Variants in PDE6C observed in about 807,000 individuals in gnomAD.
The protein encoded by PDE6C is cone cGMP-specific 3',5'-cyclic phosphodiesterase subunit alpha'.
Under a neutral mutation model 113.1 loss-of-function variants are expected in PDE6C, and 75 were observed. The observed-to-expected ratio is 0.66, with a 90% CI of 0.55 to 0.80. PDE6C has a LOEUF of 0.80. Among genes scored for constraint, PDE6C ranks in the 30% least tolerant of loss-of-function variants. The pLI is 0.00. For synonymous variants in PDE6C, 375 were observed against 363.7 expected, an observed-to-expected ratio of 1.03 and a Z score of -0.35; for missense variants, 912 against 1,038.6, an observed-to-expected ratio of 0.88 and a Z score of 1.67.
At position 93,634,904 on chromosome 10, in the gene PDE6C, C is replaced by A. The variant is rs530593118; in HGVS notation, c.1266C>A (p.Thr422=). ...TCGATGAGCATGATGAATACATTAC[C>A]GAGGCAAGTGCAATAATAAGATAAT... ...KPFDEHDEYI[T]ETLTQFLGWS... is the part of the protein sequence containing the mutation. The change falls in exon 9 of 22, where the codon ACC becomes ACA. Residue 422 remains threonine (T), a synonymous_variant. Transcript: ENST00000371447. The A allele has an allele frequency of 6.2e-7, 1 of 1,613,652 alleles. No homozygotes were observed. The highest frequency in any genetic ancestry group is 8.5e-7 in the Non-Finnish European group (1 of 1,179,890).
intron 1 of PDE6C, among the ~76,000 whole-genome samples, chr10:93,618,488 T>C (rs2058430666): frequency 6.6e-6 from 1 of 152,194 alleles, no homozygotes; most frequent in African/African-American, 2.4e-5. Flanking sequence ...CTTCCTTGCC[T>C]TTATGCAATG....
intron 9 of PDE6C, 56 bp from the exon 10 acceptor site, chr10:93,635,441 C>T (rs1175721302): frequency 6.7e-7 from 1 of 1,498,180 alleles, no homozygotes; most frequent in East Asian, 2.3e-5. Flanking sequence ...ATTGTTGCCT[C>T]CAAACCAATT....
At chr10:93,624,224 A>G (rs1476028047) in intron 4 of PDE6C, among the ~76,000 whole-genome samples, 1 of 151,970 alleles carries the variant, frequency 6.6e-6, no homozygotes, top group Admixed American at 6.6e-5. Context: ...TAACGATACC[A>G]TATTATTTAT....
chr10:93,655,785 A>G lies in PDE6C; in HGVS notation c.1961A>G (p.Asn654Ser). 6.2e-7 allele frequency: 1 copy of G among 1,605,330 alleles called. No homozygotes were observed. Among genetic ancestry groups the G allele is most frequent in the East Asian group, 2.2e-5 (1 of 44,818 alleles). Residue 654 changes from asparagine to serine, a missense_variant, in exon 16 of 22, where the codon AAT becomes AGT. Asn to Ser is a conservative substitution (Grantham distance 46, BLOSUM62 1). Transcript: ENST00000371447. ...DESLNIFQNL[N>S]KRQFETVIHL... is the part of the protein sequence containing the mutation. Reference sequence around the variant, plus strand: ...AGTTTAAACATCTTCCAGAACCTAAATAAGCGGCAGTTTGAAACAGTTATT... The same window carrying G: ...AGTTTAAACATCTTCCAGAACCTAAGTAAGCGGCAGTTTGAAACAGTTATT...
At chr10:93,633,258 G>T (rs187315695) in intron 8 of PDE6C, among the ~76,000 whole-genome samples, 12 of 152,218 alleles carry the variant, frequency 7.9e-5, no homozygotes, top group Non-Finnish European at 1.2e-4. Context: ...TTGAGGTCAG[G>T]AGTTCAAGAT....
chr10:93,639,160 G>A (rs369144820), intron 11 of PDE6C, among the ~76,000 whole-genome samples: 103 of 152,168 alleles, frequency 6.8e-4, no homozygotes, highest in African/African-American at 2.3e-3. Flanking sequence ...ACATGGAATC[G>A]TCTCTCCGCT....
At chr10:93,642,350 C>A (rs1339585811) in intron 14 of PDE6C, among the ~76,000 whole-genome samples, 1 of 152,060 alleles carries the variant, frequency 6.6e-6, no homozygotes, top group Non-Finnish European at 1.5e-5. Flanking sequence ...GGTGACAGAG[C>A]AAGACTCAGT....
Position 93,640,695 on chromosome 10 carries a change from C to T in PDE6C, c.1737+138C>T, listed in dbSNP as rs934736211. On this transcript the variant is annotated intron_variant, in intron 13 of 21. Coordinates refer to ENST00000371447, the MANE Select transcript of PDE6C (RefSeq NM_006204.4). ...AAACCCCTCTCCGCTGCAGATGAGT[C>T]CCAGTATCCTTGAGCACCGGTGGGA... The T allele has an allele frequency of 4.0e-6, 3 of 753,806 alleles. No individual in the cohort carries two copies. The African/African-American group carries it at 5.2e-5, about 13-fold the overall frequency. The allele number at this position is 753,806 out of a possible 1,614,324, so 46.7% of individuals were successfully genotyped here.
intron 16 of PDE6C, among the ~76,000 whole-genome samples, chr10:93,657,742 GTA>G (rs55842373): frequency 0.86 from 130,448 of 151,868 alleles, 56,429 homozygotes; most frequent in African/African-American, 0.96. Flanking sequence ...GTATGTCCCT[GTA>G]TATATATATG....
intron 15 of PDE6C, among the ~76,000 whole-genome samples, chr10:93,653,366 G>C (rs923205261): frequency 5.9e-5 from 9 of 152,182 alleles, no homozygotes; most frequent in Non-Finnish European, 1.3e-4. Context: ...TCGGGGTCCA[G>C]GCACGGTGGC....
At chr10:93,652,784 AAT>A (rs1370312192) in intron 15 of PDE6C, among the ~76,000 whole-genome samples, 2 of 152,208 alleles carry the variant, frequency 1.3e-5, no homozygotes, top group Non-Finnish European at 2.9e-5. Flanking sequence ...GCACTAAAAC[AAT>A]TGGTGCATAA....
intron 8 of PDE6C, 100 bp downstream of exon 8, chr10:93,629,405 T>C: frequency 2.2e-6 from 2 of 901,304 alleles, no homozygotes; most frequent in Non-Finnish European, 3.8e-6. Flanking sequence ...GATGCTCAGG[T>C]GTGGCCACAG....
chr10:93,631,083 G>T (rs1162626062), intron 8 of PDE6C, among the ~76,000 whole-genome samples: 3 of 152,220 alleles, frequency 2.0e-5, no homozygotes, highest in Non-Finnish European at 4.4e-5. Context: ...GAGGCCCTTT[G>T]CTTTCTCTCA....
intron 15 of PDE6C, among the ~76,000 whole-genome samples, chr10:93,654,786 CTT>C (rs1252890635): frequency 2.8e-5 from 2 of 71,350 alleles, no homozygotes; most frequent in Non-Finnish European, 6.2e-5. Flanking sequence ...TTCTTTCTTT[CTT>C]TCTTTCTTTC....
chr10:93,637,855 G>A (rs2058541373), intron 11 of PDE6C, among the ~76,000 whole-genome samples: 1 of 152,106 alleles, frequency 6.6e-6, no homozygotes, highest in African/African-American at 2.4e-5. Context: ...CATGCCTTAT[G>A]CTTTTAAAAT....
intron 15 of PDE6C, among the ~76,000 whole-genome samples, chr10:93,649,220 G>C (rs1268224814): frequency 6.6e-6 from 1 of 152,132 alleles, no homozygotes; most frequent in Non-Finnish European, 1.5e-5. Context: ...CCAGAGGCTG[G>C]GAAGTAGGTC....
chr10:93,618,553 G>A (rs189744391), intron 1 of PDE6C, among the ~76,000 whole-genome samples: 6 of 152,286 alleles, frequency 3.9e-5, no homozygotes, highest in African/African-American at 1.4e-4. Context: ...GTATAGAAGA[G>A]ATCTGGAGTG....
intron 12 of PDE6C, 55 bp downstream of exon 12, chr10:93,640,271 ATGTTTTCTGT>A: frequency 1.3e-6 from 2 of 1,525,004 alleles, no homozygotes; most frequent in Non-Finnish European, 1.8e-6. Flanking sequence ...TGCTTCACTG[ATGTTTTCTGT>A]GGTTCAAAAG....
intron 1 of PDE6C, among the ~76,000 whole-genome samples, chr10:93,617,873 G>A (rs1478893101): frequency 6.6e-6 from 1 of 152,230 alleles, no homozygotes; most frequent in Non-Finnish European, 1.5e-5. Context: ...GTAAATGAAG[G>A]TGATGTGATC....
Sources: gnomAD v4.1 joint callset for allele counts (sites outside exome capture counted in the v4.1 genomes callset) on GRCh38, gnomAD v4.1.1 for gene constraint, MANE v1.5 for transcripts, NCBI Gene and HGNC (gene_info 2026-07-23, HGNC 2026-07-21) for gene names.